Variants in UPF3B observed in about 807,000 individuals in gnomAD.
The protein encoded by UPF3B is UPF3B regulator of nonsense mediated mRNA decay.
UPF3B carries 7 observed loss-of-function variants against 40.3 expected under a neutral mutation model. The observed-to-expected ratio is 0.17, with a 90% CI of 0.10 to 0.33. The LOEUF is 0.33. Ranked by LOEUF, UPF3B falls within the 10% of genes least tolerant of loss-of-function variation. The pLI, the probability that UPF3B is intolerant of heterozygous loss-of-function variation, is 1.00. For synonymous variants in UPF3B, 117 were observed against 117.3 expected, an observed-to-expected ratio of 1.00 and a Z score of 0.01; for missense variants, 229 against 358.9, an observed-to-expected ratio of 0.64 and a Z score of 2.93.
chrX:119,833,033 T>C (rs1369309801), downstream of UPF3B, among the ~76,000 whole-genome samples: 1 of 111,253 alleles, frequency 9.0e-6, no homozygotes, highest in Non-Finnish European at 1.9e-5. Context: ...TACCCCCCAC[T>C]GCCCTCACCC....
chrX:119,839,429 G>A (rs2056137279), intron 8 of UPF3B, among the ~76,000 whole-genome samples: 2 of 112,486 alleles, frequency 1.8e-5, no homozygotes, highest in African/African-American at 6.4e-5. Flanking sequence ...CATCTCTACT[G>A]AGTAGGAACT....
chrX:119,849,306 C>T (rs2056272261), intron 3 of UPF3B, among the ~76,000 whole-genome samples: 1 of 110,196 alleles, frequency 9.1e-6, no homozygotes, highest in South Asian at 3.8e-4. Context: ...CCAGCCTGGC[C>T]AACATGGTGA....
At chrX:119,828,582 G>C (rs181114321) in intron 3 of UPF3B, among the ~76,000 whole-genome samples, 1 of 109,117 alleles carries the variant, frequency 9.2e-6, no homozygotes, top group South Asian at 3.9e-4. Flanking sequence ...TGTGGTGGGA[G>C]AATCAACTGA....
intron 3 of UPF3B, among the ~76,000 whole-genome samples, chrX:119,827,084 C>G (rs773782126): frequency 2.7e-5 from 3 of 112,009 alleles, no homozygotes; most frequent in South Asian, 3.7e-4. Flanking sequence ...GCTTATGCCT[C>G]TCATCAAACA....
chrX:119,806,936 G>C lies in UPF3B; in HGVS notation c.*11+539C>G, dbSNP rs192373004. Among the ~76,000 whole-genome samples, 15 of 104,520 alleles carry C rather than the reference G, an allele frequency of 1.4e-4. No individual in the cohort carries two copies. The East Asian group carries it at 4.2e-3, about 29-fold the overall frequency. The allele number at this position is 104,520 out of a possible 115,157, so 90.8% of individuals were successfully genotyped here. Reference sequence around the variant, plus strand: ...CCCAGCTACTCGGGAGGCTGAGGCAGGAGAATCAGTTGAACCCAGGAGGTG... The same window carrying C: ...CCCAGCTACTCGGGAGGCTGAGGCACGAGAATCAGTTGAACCCAGGAGGTG... On this transcript the variant is annotated intron_variant, in intron 6 of 6. Transcript: ENST00000636792.
At chrX:119,827,417 T>C (rs1380016317) in intron 3 of UPF3B, among the ~76,000 whole-genome samples, 1 of 102,053 alleles carries the variant, frequency 9.8e-6, no homozygotes, top group Non-Finnish European at 2.0e-5. Flanking sequence ...TATATATATA[T>C]ACACACAAAC....
At chrX:119,807,686 A>G in intron 5 of UPF3B, 1 of 382,143 alleles carries the variant, frequency 2.6e-6, no homozygotes, top group Non-Finnish European at 3.3e-6. Context: ...AAGCTCAGTA[A>G]TTTAAGACCA....
intron 6 of UPF3B, among the ~76,000 whole-genome samples, chrX:119,806,804 G>T (rs2147748033): frequency 9.1e-6 from 1 of 109,762 alleles, no homozygotes; most frequent in East Asian, 2.9e-4. Context: ...GAAGCGGGGG[G>T]AATCACCTGA....
intron 3 of UPF3B, among the ~76,000 whole-genome samples, chrX:119,827,782 G>A (rs1261238483): frequency 9.0e-6 from 1 of 110,601 alleles, no homozygotes; most frequent in Non-Finnish European, 1.9e-5. Context: ...ACCCAGGCTG[G>A]AGTGCAGCAG....
At chrX:119,850,065 G>C (rs971129256) in intron 3 of UPF3B, among the ~76,000 whole-genome samples, 14 of 103,400 alleles carry the variant, frequency 1.4e-4, no homozygotes, top group African/African-American at 5.1e-4. Context: ...TGAGGTGGGG[G>C]GGGGGAAATC....
chrX:119,832,869 T>A (rs1236450057), downstream of UPF3B, among the ~76,000 whole-genome samples: 2 of 111,794 alleles, frequency 1.8e-5, no homozygotes, highest in Non-Finnish European at 3.8e-5. Flanking sequence ...GAAAGTTACA[T>A]CTTAATTTTA....
downstream of UPF3B, chrX:119,831,695 T>A (rs1037882858): frequency 2.7e-5 from 20 of 752,942 alleles, no homozygotes; most frequent in Non-Finnish European, 3.1e-5. Flanking sequence ...GGTGCTGTCA[T>A]CAGGAAAATA....
At chrX:119,814,859 C>CTTTTTTTTTTTTTTTTTTTTTTTTTT (rs140201169) in intron 5 of UPF3B, among the ~76,000 whole-genome samples, 1 of 46,263 alleles carries the variant, frequency 2.2e-5, no homozygotes, top group Non-Finnish European at 3.8e-5. Context: ...TTCTTTCTTT[C>CTTTTTTTTTTTTTTTTTTTTTTTTTT]TTTTTTTTTT....
chrX:119,811,880 A>C (rs2147753109), intron 5 of UPF3B, among the ~76,000 whole-genome samples: 1 of 111,234 alleles, frequency 9.0e-6, no homozygotes, highest in South Asian at 3.8e-4. Flanking sequence ...TGAACCCAGA[A>C]GGTCAAGGCT....
At chrX:119,806,792 C>A (rs754624507) in intron 6 of UPF3B, among the ~76,000 whole-genome samples, 1 of 110,062 alleles carries the variant, frequency 9.1e-6, no homozygotes, top group African/African-American at 3.3e-5. Flanking sequence ...CTTTGGAAGG[C>A]CGAAGCGGGG....
At chrX:119,842,597 C>CATACACAT (rs769218989) in intron 5 of UPF3B, among the ~76,000 whole-genome samples, 4 of 57,023 alleles carry the variant, frequency 7.0e-5, no homozygotes, top group Admixed American at 2.4e-4. Flanking sequence ...CACACACACA[C>CATACACAT]ACACACATAC....
At chrX:119,847,043 T>C (rs1211156216) in intron 3 of UPF3B, among the ~76,000 whole-genome samples, 1 of 112,324 alleles carries the variant, frequency 8.9e-6, no homozygotes, top group Non-Finnish European at 1.9e-5. Context: ...ACATTACTAG[T>C]CATTAGGGAA....
chrX:119,819,246 G>T (rs1299656294), intron 4 of UPF3B, among the ~76,000 whole-genome samples: 1 of 109,750 alleles, frequency 9.1e-6, no homozygotes, highest in Non-Finnish European at 1.9e-5. Context: ...TAGAAACGAG[G>T]TTTCACCATG....
intron 4 of UPF3B, among the ~76,000 whole-genome samples, chrX:119,818,370 G>A (rs1296439296): frequency 8.9e-6 from 1 of 111,998 alleles, no homozygotes; most frequent in Non-Finnish European, 1.9e-5. Flanking sequence ...GCCAAGGCGG[G>A]CGGGTCATCT....
Sources: gnomAD v4.1 joint callset for allele counts (sites outside exome capture counted in the v4.1 genomes callset) on GRCh38, gnomAD v4.1.1 for gene constraint, MANE v1.5 for transcripts, NCBI Gene and HGNC (gene_info 2026-07-23, HGNC 2026-07-21) for gene names.